The following RBFOX1 variants were observed in gnomAD, a reference collection of about 807,000 sequenced individuals.
RBFOX1 encodes RNA binding fox-1 homolog 1.
Under a neutral mutation model 57.7 loss-of-function variants are expected in RBFOX1, and 8 were observed. The ratio of observed to expected loss-of-function variants is 0.14; its 90% CI spans 0.08 to 0.25. RBFOX1 has a LOEUF of 0.25. Ranked by LOEUF, RBFOX1 falls within the 10% of genes least tolerant of loss-of-function variation. RBFOX1 has a pLI of 1.00. For missense variants in RBFOX1, 611 were observed against 548.5 expected, an observed-to-expected ratio of 1.11 and a Z score of -1.14; for synonymous variants, 326 against 222.4, an observed-to-expected ratio of 1.47 and a Z score of -4.15.
chr16:6,788,959 C>G (rs1295699335), intron 3 of RBFOX1, among the ~76,000 whole-genome samples: 3 of 152,126 alleles, frequency 2.0e-5, no homozygotes, highest in Non-Finnish European at 2.9e-5. Flanking sequence ...TCTATTCTTT[C>G]CGCCGCACAA....
At chr16:7,615,194 G>A (rs189339366) in intron 10 of RBFOX1, among the ~76,000 whole-genome samples, 1 of 152,166 alleles carries the variant, frequency 6.6e-6, no homozygotes, top group East Asian at 1.9e-4. Context: ...GTATCTGGGC[G>A]TGGTGGCGGG....
intron 3 of RBFOX1, among the ~76,000 whole-genome samples, chr16:5,719,884 T>C (rs2051862329): frequency 6.6e-6 from 1 of 152,174 alleles, no homozygotes; most frequent in Non-Finnish European, 1.5e-5. Flanking sequence ...CGTTTTTATG[T>C]GGACGCATGT....
At position 6,168,884 on chromosome 16, in the gene RBFOX1, G is replaced by A. The variant is rs146763852; in HGVS notation, c.-126-148111G>A. Reference sequence around the variant, plus strand: ...GGGTCCAGTGACCTTGATGTTTTTCGTCCAGGGAAGATGGCTGAGGCATCC... The same window carrying A: ...GGGTCCAGTGACCTTGATGTTTTTCATCCAGGGAAGATGGCTGAGGCATCC... On this transcript the variant is annotated intron_variant, in intron 1 of 15. Coordinates refer to ENST00000550418, the MANE Select transcript of RBFOX1 (RefSeq NM_018723.4). Among the ~76,000 whole-genome samples the A allele has an allele frequency of 7.7e-3, 1,166 of 150,842 alleles. 11 individuals carry two copies. The highest frequency in any genetic ancestry group is 0.018 in the South Asian group (84 of 4,764).
intron 4 of RBFOX1, among the ~76,000 whole-genome samples, chr16:7,358,047 G>T (rs967177231): frequency 1.3e-5 from 2 of 152,186 alleles, no homozygotes; most frequent in Middle Eastern, 3.2e-3. Context: ...GCTCGAACCA[G>T]CCTTGTAGAA....
chr16:6,638,809 C>A (rs62015557), intron 2 of RBFOX1, among the ~76,000 whole-genome samples: 2 of 152,248 alleles, frequency 1.3e-5, no homozygotes, highest in Non-Finnish European at 1.5e-5. Context: ...TGATGGCCAC[C>A]ATTTTGGTCT....
intron 4 of RBFOX1, among the ~76,000 whole-genome samples, chr16:7,489,760 A>T (rs1245476893): frequency 6.6e-6 from 1 of 151,072 alleles, no homozygotes; most frequent in Admixed American, 6.6e-5. Context: ...GCCTCAAGTG[A>T]TCCTCCCAAC....
chr16:6,563,836 AT>A (rs201934539), intron 2 of RBFOX1, among the ~76,000 whole-genome samples: 7 of 148,402 alleles, frequency 4.7e-5, no homozygotes, highest in African/African-American at 1.3e-4. Flanking sequence ...CAAAAAAAAA[AT>A]ATATATATAT....
intron 4 of RBFOX1, among the ~76,000 whole-genome samples, chr16:7,203,642 C>G (rs979037102): frequency 6.6e-6 from 1 of 152,224 alleles, no homozygotes; most frequent in Non-Finnish European, 1.5e-5. Flanking sequence ...GTCCATGCTT[C>G]TCACAGCTCA....
At chr16:7,200,988 A>G (rs1488527310) in intron 4 of RBFOX1, among the ~76,000 whole-genome samples, 2 of 152,212 alleles carry the variant, frequency 1.3e-5, no homozygotes, top group Admixed American at 6.5e-5. Flanking sequence ...AGAAAAATTA[A>G]TCTATATTTT....
intron 14 of RBFOX1, among the ~76,000 whole-genome samples, chr16:7,707,804 T>G (rs1322521573): frequency 6.6e-6 from 1 of 152,204 alleles, no homozygotes; most frequent in African/African-American, 2.4e-5. Flanking sequence ...GATATTCATC[T>G]CAGACGTTGC....
At chr16:7,555,360 G>C (rs1398412660) in intron 5 of RBFOX1, among the ~76,000 whole-genome samples, 1 of 152,154 alleles carries the variant, frequency 6.6e-6, no homozygotes, top group Non-Finnish European at 1.5e-5. Flanking sequence ...GGAAATTTCA[G>C]TAAAATCCAT....
At chr16:6,834,611 G>C (rs968834036) in intron 3 of RBFOX1, among the ~76,000 whole-genome samples, 2 of 152,202 alleles carry the variant, frequency 1.3e-5, no homozygotes, top group Admixed American at 1.3e-4. Context: ...GTGTTTGTTT[G>C]GGATGACTAA....
intron 2 of RBFOX1, among the ~76,000 whole-genome samples, chr16:6,534,008 T>A (rs950609981): frequency 2.0e-5 from 3 of 152,180 alleles, no homozygotes; most frequent in Admixed American, 6.6e-5. Flanking sequence ...TACACACATA[T>A]ACATACATAC....
At position 6,374,172 on chromosome 16, in the gene RBFOX1, G is replaced by A. The variant is rs1343560570; in HGVS notation, c.-64+57115G>A. On this transcript the variant is annotated intron_variant, in intron 2 of 15. Coordinates refer to ENST00000550418, the MANE Select transcript of RBFOX1 (RefSeq NM_018723.4). ...ATTCATTGTCTCTGGATATTCAGTT[G>A]CCCCAAAATTATTCAAGTAGTCTAC... is the stretch of plus-strand genomic sequence containing the variant. 3.9e-5 allele frequency among the ~76,000 whole-genome samples: 6 copies of A among 152,252 alleles called. No homozygotes were observed. The East Asian group carries it at 1.2e-3, about 29-fold the overall frequency.
At chr16:6,754,477 G>C (rs1022259550) in intron 3 of RBFOX1, among the ~76,000 whole-genome samples, 2 of 152,126 alleles carry the variant, frequency 1.3e-5, no homozygotes, top group Admixed American at 6.5e-5. Flanking sequence ...CACAATTTCA[G>C]CTCCTCTTTT....
At chr16:7,071,604 TGTGTG>T (rs2057355164) in intron 4 of RBFOX1, among the ~76,000 whole-genome samples, 1 of 151,538 alleles carries the variant, frequency 6.6e-6, no homozygotes, top group Non-Finnish European at 1.5e-5. Context: ...TGTGTGTGTG[TGTGTG>T]TGTGTGTGTT....
intron 4 of RBFOX1, among the ~76,000 whole-genome samples, chr16:5,898,973 G>A (rs957446543): frequency 1.3e-5 from 2 of 151,384 alleles, no homozygotes; most frequent in African/African-American, 4.9e-5. Flanking sequence ...TGAGGTGAGA[G>A]GATCACTTGA....
chr16:7,025,183 C>T (rs1290420203), intron 3 of RBFOX1, among the ~76,000 whole-genome samples: 1 of 152,146 alleles, frequency 6.6e-6, no homozygotes. Flanking sequence ...ATGGTTATTT[C>T]TTGATGATAT....
chr16:6,978,606 C>T (rs181997190), intron 3 of RBFOX1, among the ~76,000 whole-genome samples: 4 of 152,256 alleles, frequency 2.6e-5, no homozygotes, highest in African/African-American at 9.6e-5. Flanking sequence ...GGTTGGGTGC[C>T]TTCCACATAT....
Sources: gnomAD v4.1 joint callset for allele counts (sites outside exome capture counted in the v4.1 genomes callset) on GRCh38, gnomAD v4.1.1 for gene constraint, MANE v1.5 for transcripts, NCBI Gene and HGNC (gene_info 2026-07-23, HGNC 2026-07-21) for gene names.